ACTR3C: variants seen among roughly 807,000 people sequenced by gnomAD.
ACTR3C encodes the protein actin related protein 3C.
In ACTR3C, 18 loss-of-function variants were observed where a neutral mutation model predicts 26.3. The ratio of observed to expected loss-of-function variants is 0.68; its 90% confidence interval spans 0.47 to 1.01. The LOEUF (loss-of-function observed/expected upper bound fraction) is 1.01, where lower values mean the gene tolerates loss of function less well. Among genes scored for constraint, ACTR3C ranks in the 50% least tolerant of loss-of-function variants. ACTR3C has a pLI of 0.00. For synonymous variants in ACTR3C, 55 were observed against 94.5 expected, an observed-to-expected ratio of 0.58 and a Z score of 2.42; for missense variants, 184 against 250.7, an observed-to-expected ratio of 0.73 and a Z score of 1.80.
At chr7:150,263,299 C>T (rs1833789634) in intron 6 of ACTR3C, among the ~76,000 whole-genome samples, 1 of 152,192 alleles carries the variant, frequency 6.6e-6, no homozygotes, top group Non-Finnish European at 1.5e-5. Flanking sequence ...ATCTGGAGAC[C>T]TCATATTTCC....
chr7:149,929,199 G>A, the ACTR3C span, among the ~76,000 whole-genome samples: 5 of 152,016 alleles, frequency 3.3e-5, no homozygotes, highest in Non-Finnish European at 7.4e-5. Context: ...AGGCCAAGGC[G>A]GGTGGATTGC....
the ACTR3C span, among the ~76,000 whole-genome samples, chr7:150,043,671 C>T: frequency 6.6e-6 from 1 of 152,200 alleles, no homozygotes; most frequent in African/African-American, 2.4e-5. Flanking sequence ...GTGGGTACAC[C>T]AAGCACTGGT....
the ACTR3C span, among the ~76,000 whole-genome samples, chr7:149,996,518 G>A: frequency 1.3e-5 from 2 of 149,022 alleles, no homozygotes; most frequent in African/African-American, 2.4e-5. Context: ...GAATAACTGG[G>A]ATTTTTTTTT....
chr7:150,187,270 GTTTT>G, the ACTR3C span, among the ~76,000 whole-genome samples: 1 of 150,660 alleles, frequency 6.6e-6, no homozygotes, highest in Non-Finnish European at 1.5e-5. Flanking sequence ...AAGCACCTGT[GTTTT>G]TTAACTCTTT....
the ACTR3C span, among the ~76,000 whole-genome samples, chr7:149,905,048 A>G: frequency 2.0e-5 from 3 of 151,674 alleles, no homozygotes; most frequent in African/African-American, 7.3e-5. Flanking sequence ...AATAAAAATA[A>G]AAATAATAAT....
the ACTR3C span, among the ~76,000 whole-genome samples, chr7:150,165,850 A>C: frequency 6.2e-3 from 942 of 151,262 alleles, 28 homozygotes; most frequent in African/African-American, 0.022. Context: ...TAGGGTAATG[A>C]GGAACGTGGA....
At chr7:150,297,084 C>A (rs571152758) in intron 1 of ACTR3C, among the ~76,000 whole-genome samples, 1 of 151,834 alleles carries the variant, frequency 6.6e-6, no homozygotes, top group South Asian at 2.1e-4. Flanking sequence ...TACACCCCTA[C>A]GACAGGGAAA....
chr7:150,193,930 C>A, the ACTR3C span, among the ~76,000 whole-genome samples: 1 of 149,218 alleles, frequency 6.7e-6, no homozygotes, highest in Admixed American at 6.7e-5. Context: ...CAAATTCTTA[C>A]CAATATTATG....
At chr7:150,303,777 G>T (rs113129898) in intron 1 of ACTR3C, among the ~76,000 whole-genome samples, 6 of 152,320 alleles carry the variant, frequency 3.9e-5, no homozygotes, top group East Asian at 3.9e-4. Flanking sequence ...TTATTCTGGG[G>T]TTTTTTCTCT....
the ACTR3C span, among the ~76,000 whole-genome samples, chr7:150,135,246 C>T: frequency 0.016 from 2,433 of 151,590 alleles, 64 homozygotes; most frequent in African/African-American, 0.055. Context: ...CGCTCCAACC[C>T]GGGGGACACA....
the ACTR3C span, among the ~76,000 whole-genome samples, chr7:150,078,450 AAATG>A: frequency 6.7e-6 from 1 of 149,664 alleles, no homozygotes; most frequent in Non-Finnish European, 1.5e-5. Flanking sequence ...AAATAATTAT[AAATG>A]AAATTAGCAT....
At chr7:150,122,174 G>T in the ACTR3C span, among the ~76,000 whole-genome samples, 2 of 152,188 alleles carry the variant, frequency 1.3e-5, no homozygotes, top group Middle Eastern at 3.2e-3. Context: ...CATGGGCAAA[G>T]TCTTCTTGAC....
the ACTR3C span, among the ~76,000 whole-genome samples, chr7:149,951,952 C>T: frequency 1.3e-5 from 2 of 149,880 alleles, no homozygotes; most frequent in East Asian, 3.9e-4. Context: ...TAACTTCTCA[C>T]AGTTCTGGGG....
the ACTR3C span, among the ~76,000 whole-genome samples, chr7:150,127,263 CTAGAGATGGATTCATGGAT>C: frequency 7.6e-6 from 1 of 131,338 alleles, no homozygotes; most frequent in African/African-American, 3.3e-5. Context: ...TGACCCAGGA[CTAGAGATGGATTCATGGAT>C]TGACTTAAGC....
At chr7:150,033,672 G>T in the ACTR3C span, among the ~76,000 whole-genome samples, 4 of 152,002 alleles carry the variant, frequency 2.6e-5, no homozygotes, top group Admixed American at 1.3e-4. Context: ...TCCCTGCCTC[G>T]CGGGGGGTGC....
the ACTR3C span, among the ~76,000 whole-genome samples, chr7:150,092,324 A>C: frequency 1.3e-5 from 2 of 150,414 alleles, no homozygotes; most frequent in South Asian, 4.2e-4. Context: ...AATGGCAGTC[A>C]AGAAATCTGA....
the ACTR3C span, among the ~76,000 whole-genome samples, chr7:149,919,224 G>A: frequency 6.6e-6 from 1 of 151,106 alleles, no homozygotes; most frequent in Non-Finnish European, 1.5e-5. Flanking sequence ...GCATTTGTTT[G>A]GCTTATTTTT....
intron 6 of ACTR3C, among the ~76,000 whole-genome samples, chr7:150,250,982 T>C (rs1196043596): frequency 6.6e-6 from 1 of 152,214 alleles, no homozygotes; most frequent in Non-Finnish European, 1.5e-5. Context: ...CATGGAACCA[T>C]ACAAATGTAA....
intron 6 of ACTR3C, among the ~76,000 whole-genome samples, chr7:150,284,143 G>A (rs1188552249): frequency 6.6e-6 from 1 of 152,200 alleles, no homozygotes; most frequent in African/African-American, 2.4e-5. Context: ...CGGAAAGCAT[G>A]GAGGAGGGCA....
Sources: allele counts gnomAD v4.1 joint callset (sites outside exome capture counted in the v4.1 genomes callset), GRCh38; gene constraint gnomAD v4.1.1; transcripts MANE v1.5; gene names NCBI Gene and HGNC (gene_info 2026-07-23, HGNC 2026-07-21).